The following RTL4 variants were observed in gnomAD, a reference collection of about 807,000 sequenced individuals.
RTL4 encodes the protein retrotransposon Gag-like protein 4.
A neutral mutation model predicts 5.3 loss-of-function variants in RTL4; 4 were observed. That is an observed-to-expected ratio of 0.75 (90% CI 0.37 to 1.72). The LOEUF is 1.72. Among genes scored for constraint, RTL4 ranks in the 40% most tolerant of loss-of-function variants. RTL4 has a pLI of 0.04. For synonymous variants in RTL4, 98 were observed against 87.3 expected (o/e 1.12, Z -0.68); for missense variants, 260 against 227.1 (o/e 1.14, Z -0.93).
the RTL4 span, among the ~76,000 whole-genome samples, chrX:112,115,905 G>A: frequency 8.9e-6 from 1 of 112,292 alleles, no homozygotes; most frequent in Admixed American, 9.4e-5. Flanking sequence ...TCTCGCTTGG[G>A]CGAGTGACTT....
At chrX:112,182,532 G>A in the RTL4 span, among the ~76,000 whole-genome samples, 1 of 111,615 alleles carries the variant, frequency 9.0e-6, no homozygotes, top group African/African-American at 3.3e-5. Context: ...AGAACTTCAT[G>A]AACCCAAATC....
chrX:112,297,464 T>C, the RTL4 span, among the ~76,000 whole-genome samples: 4 of 110,796 alleles, frequency 3.6e-5, no homozygotes, highest in Non-Finnish European at 5.7e-5. Flanking sequence ...GGGAAGGTGC[T>C]ACACACTTTT....
At chrX:112,337,773 T>C in the RTL4 span, among the ~76,000 whole-genome samples, 1 of 111,217 alleles carries the variant, frequency 9.0e-6, no homozygotes, top group South Asian at 3.8e-4. Context: ...TTGTTTCTAC[T>C]GTCAGCTCAT....
the RTL4 span, among the ~76,000 whole-genome samples, chrX:112,090,722 T>C: frequency 6.3e-5 from 7 of 111,267 alleles, no homozygotes; most frequent in African/African-American, 2.3e-4. Flanking sequence ...TCTTGTGCTA[T>C]CTTGGTCTGG....
At chrX:112,433,271 A>T in the RTL4 span, among the ~76,000 whole-genome samples, 1 of 106,658 alleles carries the variant, frequency 9.4e-6, no homozygotes, top group African/African-American at 3.5e-5. Flanking sequence ...CTGTGAAGAA[A>T]GTCATTGGTA....
At chrX:112,186,908 A>C in the RTL4 span, among the ~76,000 whole-genome samples, 1 of 112,039 alleles carries the variant, frequency 8.9e-6, no homozygotes, top group South Asian at 3.7e-4. Context: ...TTGCCTTTTG[A>C]CTTATTGGTT....
At chrX:112,083,098 G>A in the RTL4 span, among the ~76,000 whole-genome samples, 166 of 110,833 alleles carry the variant, frequency 1.5e-3, no homozygotes, top group African/African-American at 5.2e-3. Flanking sequence ...CCGTCCCACC[G>A]TCTCATCTCT....
At chrX:112,389,458 T>C in the RTL4 span, among the ~76,000 whole-genome samples, 2 of 111,241 alleles carry the variant, frequency 1.8e-5, no homozygotes, top group African/African-American at 6.5e-5. Flanking sequence ...GTTGATTTGT[T>C]CTTGCTTATC....
At chrX:112,367,116 A>G in the RTL4 span, among the ~76,000 whole-genome samples, 5 of 111,634 alleles carry the variant, frequency 4.5e-5, no homozygotes, top group African/African-American at 6.5e-5. Flanking sequence ...CCACCTCTCC[A>G]TCTTCACCCT....
At chrX:112,313,327 T>C in the RTL4 span, among the ~76,000 whole-genome samples, 1 of 110,507 alleles carries the variant, frequency 9.0e-6, no homozygotes, top group Non-Finnish European at 1.9e-5. Context: ...GGGTCCACAG[T>C]TGTGGTAGTT....
the RTL4 span, among the ~76,000 whole-genome samples, chrX:112,387,017 AT>A: frequency 0.015 from 1,620 of 105,978 alleles, 27 homozygotes; most frequent in African/African-American, 0.05. Flanking sequence ...GCCAACATCT[AT>A]TTTTTTTTTA....
At chrX:112,154,063 A>G in the RTL4 span, among the ~76,000 whole-genome samples, 1 of 111,130 alleles carries the variant, frequency 9.0e-6, no homozygotes, top group African/African-American at 3.3e-5. Context: ...GATAATCTCA[A>G]TGGACCTACC....
the RTL4 span, among the ~76,000 whole-genome samples, chrX:112,286,269 G>A: frequency 8.9e-6 from 1 of 112,050 alleles, no homozygotes; most frequent in Non-Finnish European, 1.9e-5. Flanking sequence ...TTGAGGAAAA[G>A]CATAATGACT....
At chrX:112,278,423 T>C in the RTL4 span, among the ~76,000 whole-genome samples, 2 of 112,106 alleles carry the variant, frequency 1.8e-5, no homozygotes, top group South Asian at 7.3e-4. Flanking sequence ...AGGAAAAACC[T>C]AGAGATACTG....
chrX:112,337,814 G>A, the RTL4 span, among the ~76,000 whole-genome samples: 210 of 111,054 alleles, frequency 1.9e-3, no homozygotes, highest in African/African-American at 6.5e-3. Context: ...TGTCCTATGT[G>A]TCTGTAGTCC....
chrX:112,274,568 G>A, the RTL4 span, among the ~76,000 whole-genome samples: 36 of 111,707 alleles, frequency 3.2e-4, no homozygotes, highest in South Asian at 1.5e-3. Context: ...CAAACAGGAA[G>A]AAAGGTTAGG....
At chrX:112,183,986 C>A in the RTL4 span, among the ~76,000 whole-genome samples, 1 of 110,720 alleles carries the variant, frequency 9.0e-6, no homozygotes, top group African/African-American at 3.3e-5. Context: ...TGGGTATATA[C>A]CCAGTAATGG....
At chrX:112,291,473 T>G in the RTL4 span, among the ~76,000 whole-genome samples, 1 of 110,579 alleles carries the variant, frequency 9.0e-6, no homozygotes, top group Admixed American at 9.7e-5. Context: ...TTTGGAATTG[T>G]TTTCAACAGA....
chrX:112,132,343 C>A, the RTL4 span, among the ~76,000 whole-genome samples: 1 of 110,940 alleles, frequency 9.0e-6, no homozygotes, highest in East Asian at 2.8e-4. Context: ...TCAGTTTTCC[C>A]TTTTCCTGGA....
Sources: gnomAD v4.1 joint callset for allele counts (sites outside exome capture counted in the v4.1 genomes callset) on GRCh38, gnomAD v4.1.1 for gene constraint, MANE v1.5 for transcripts, NCBI Gene and HGNC (gene_info 2026-07-23, HGNC 2026-07-21) for gene names.